Variants in MGST1 observed in about 807,000 individuals in gnomAD.
MGST1 encodes microsomal glutathione S-transferase 1.
In MGST1, 5 loss-of-function variants were observed where a neutral mutation model predicts 8.9. The observed-to-expected ratio is 0.56, with a 90% CI of 0.29 to 1.19. The LOEUF (loss-of-function observed/expected upper bound fraction) is 1.19, where lower values mean the gene tolerates loss of function less well. Ranked by LOEUF, MGST1 falls within the 50% of genes most tolerant of loss-of-function variation. The pLI is 0.08. For synonymous variants in MGST1, 54 were observed against 67.8 expected, an observed-to-expected ratio of 0.80 and a Z score of 1.00; for missense variants, 182 against 187.4, an observed-to-expected ratio of 0.97 and a Z score of 0.17.
At chr12:16,527,261 GA>G (rs971910692) in intron 4 of MGST1, among the ~76,000 whole-genome samples, 2 of 151,856 alleles carry the variant, frequency 1.3e-5, no homozygotes, top group African/African-American at 4.8e-5. Context: ...AAAAGAAAAA[GA>G]ATAAATTCTA....
Position 16,586,339 on chromosome 12 carries a change from A to C in MGST1, n.483-3189A>C, listed in dbSNP as rs1943318501. 6.6e-6 allele frequency among the ~76,000 whole-genome samples: 1 copy of C among 152,180 alleles called. No homozygotes were observed. The highest frequency in any genetic ancestry group is 2.1e-4 in the South Asian group (1 of 4,822). On this transcript the variant is annotated intron_variant and non_coding_transcript_variant, in intron 4 of 4. Coordinates refer to the MGST1 transcript ENST00000538857. The surrounding 1 kb of genome is among the most constrained non-coding windows in gnomAD (Gnocchi z 4.3). ...ATACGGAACAACTAAGAAACAACTA[A>C]AACACGTGCATGAATGGAGAACCAC... is the stretch of plus-strand genomic sequence containing the variant.
intron 4 of MGST1, among the ~76,000 whole-genome samples, chr12:16,478,742 C>CA (rs1156328635): frequency 6.6e-6 from 1 of 151,704 alleles, no homozygotes; most frequent in South Asian, 2.1e-4. Context: ...CCTTACCCCT[C>CA]AAAAAAACAA....
chr12:16,551,803 C>A (rs1789818945), intron 4 of MGST1, among the ~76,000 whole-genome samples: 1 of 151,730 alleles, frequency 6.6e-6, no homozygotes, highest in African/African-American at 2.4e-5. Context: ...TTAAAGCTTC[C>A]CATTTAAAGC....
intron 4 of MGST1, among the ~76,000 whole-genome samples, chr12:16,457,643 T>C (rs1364942877): frequency 2.6e-5 from 4 of 151,968 alleles, no homozygotes; most frequent in Non-Finnish European, 5.9e-5. Context: ...GCTTTTTCTT[T>C]CTCTAAACCT....
At chr12:16,353,380 T>C (rs1939560271) in intron 1 of MGST1, 1 of 152,182 alleles carries the variant, frequency 6.6e-6, no homozygotes, top group African/African-American at 2.4e-5. Flanking sequence ...AGAGACTGAA[T>C]CCCTCAAGCA....
rs758374170 is a variant in MGST1, at chr12:16,364,032, G to A, written c.459G>A (p.Leu153=). Residue 153 remains leucine (L), a synonymous_variant, in exon 4 of 4, where the codon TTG becomes TTA. Transcript: ENST00000396210. The surrounding 1 kb of genome is among the most constrained non-coding windows in gnomAD (Gnocchi z 5.7). ...CTTACAGGTTGCTGAAAAGTAAATT[G>A]TACCTGTAAAGAAAATCATACAACT... is the stretch of plus-strand genomic sequence containing the variant. ...SMAYRLLKSK[L]YL The A allele has an allele frequency of 1.1e-5, 17 of 1,603,922 alleles. No homozygotes were observed. Among genetic ancestry groups the A allele is most frequent in the Middle Eastern group, 1.7e-4 (1 of 5,994 alleles).
At chr12:16,484,893 G>A (rs17605520) in intron 4 of MGST1, among the ~76,000 whole-genome samples, 2,638 of 152,172 alleles carry the variant, frequency 0.017, 31 homozygotes, top group Non-Finnish European at 0.025. Context: ...ATTCTCTTGC[G>A]CTTAGATGAG....
chr12:16,562,688 C>A (rs1015037957), intron 4 of MGST1, among the ~76,000 whole-genome samples: 9 of 152,152 alleles, frequency 5.9e-5, no homozygotes, highest in Non-Finnish European at 1.3e-4. Context: ...CCCTGAGCTG[C>A]CTGCTATACT....
intron 3 of MGST1, among the ~76,000 whole-genome samples, chr12:16,358,210 A>G (rs933633402): frequency 6.6e-6 from 1 of 152,184 alleles, no homozygotes; most frequent in Non-Finnish European, 1.5e-5. Context: ...ATAAGCCAAG[A>G]TACGACTGGG....
At chr12:16,454,464 T>A (rs1310081658) in intron 4 of MGST1, among the ~76,000 whole-genome samples, 1 of 151,928 alleles carries the variant, frequency 6.6e-6, no homozygotes, top group Non-Finnish European at 1.5e-5. Flanking sequence ...TATTTCAATT[T>A]ATCTTTATTG....
At chr12:16,357,987 TA>T (rs1415125732) in intron 3 of MGST1, among the ~76,000 whole-genome samples, 1 of 152,192 alleles carries the variant, frequency 6.6e-6, no homozygotes, top group Non-Finnish European at 1.5e-5. Flanking sequence ...ATGGGAACAG[TA>T]GATTCTTGGA....
intron 1 of MGST1, among the ~76,000 whole-genome samples, chr12:16,412,196 G>T (rs771912673): frequency 5.3e-5 from 8 of 152,104 alleles, no homozygotes; most frequent in Non-Finnish European, 1.2e-4. Flanking sequence ...ACTTAGATTT[G>T]AATCCAAACC....
In MGST1 at chr12:16,446,030, GA is replaced by G. The variant is rs201618202; in HGVS notation, n.482+62427del. On this transcript the variant is annotated intron_variant and non_coding_transcript_variant, in intron 4 of 4. Transcript: ENST00000538857. ...ATGTCAAAACCAATTACACATTTGG[GA>G]TTTGGGAAAATCACCAAAGTATGGT... is the stretch of plus-strand genomic sequence containing the variant. Among the ~76,000 whole-genome samples, 28 of 152,024 alleles carry G rather than the reference GA, an allele frequency of 1.8e-4. No homozygotes were observed. In the East Asian group the frequency reaches 3.9e-3, roughly 21 times the overall value.
chr12:16,384,107 G>C (rs1418082075), intron 1 of MGST1, among the ~76,000 whole-genome samples: 1 of 152,132 alleles, frequency 6.6e-6, no homozygotes, highest in African/African-American at 2.4e-5. Flanking sequence ...GGTTCAGAGA[G>C]AATGGATCTT....
downstream of MGST1, among the ~76,000 whole-genome samples, chr12:16,377,575 T>G (rs1322484698): frequency 6.6e-6 from 1 of 152,144 alleles, no homozygotes; most frequent in Non-Finnish European, 1.5e-5. Flanking sequence ...GTTCCAAGTC[T>G]TTGCTTTGTG....
intron 4 of MGST1, among the ~76,000 whole-genome samples, chr12:16,470,502 A>G (rs932139198): frequency 1.4e-4 from 22 of 152,210 alleles, no homozygotes; most frequent in Non-Finnish European, 1.0e-4. Context: ...GGAGCTACCC[A>G]CACAGAAATC....
At position 16,503,632 on chromosome 12, in the gene MGST1, A is replaced by T. The variant is rs1195059460; in HGVS notation, n.483-85896A>T. 6.6e-6 allele frequency among the ~76,000 whole-genome samples: 1 copy of T among 152,130 alleles called. No individual in the cohort carries two copies. The highest frequency in any genetic ancestry group is 2.4e-5 in the African/African-American group (1 of 41,442). On this transcript the variant is annotated intron_variant and non_coding_transcript_variant, in intron 4 of 4. Coordinates refer to the MGST1 transcript ENST00000538857. The surrounding 1 kb of genome is among the most constrained non-coding windows in gnomAD (Gnocchi z 4.8). ...ATTCTGGAGGTAGGGCTTGAACCCC[A>T]GACCGAAAGGAGGGCTAGTTGAAAT...
intron 4 of MGST1, among the ~76,000 whole-genome samples, chr12:16,471,905 TCACATACACA>T (rs1941291297): frequency 1.4e-5 from 2 of 147,228 alleles, no homozygotes; most frequent in African/African-American, 4.9e-5. Context: ...AGTGTAGAGC[TCACATACACA>T]CACATACACA....
At chr12:16,426,169 C>A (rs1940885028) in intron 1 of MGST1, among the ~76,000 whole-genome samples, 1 of 152,166 alleles carries the variant, frequency 6.6e-6, no homozygotes, top group Non-Finnish European at 1.5e-5. Context: ...TTGAGGCTGA[C>A]ACTATGTGTT....
Sources: gnomAD v4.1 joint callset for allele counts (sites outside exome capture counted in the v4.1 genomes callset) on GRCh38, gnomAD v4.1.1 for gene constraint, Gnocchi (gnomAD v3.1) non-coding constraint, MANE v1.5 for transcripts, NCBI Gene and HGNC (gene_info 2026-07-23, HGNC 2026-07-21) for gene names.